ZDHHC14: variants seen among roughly 807,000 people sequenced by gnomAD.
ZDHHC14 encodes zDHHC palmitoyltransferase 14, also known as palmitoyltransferase ZDHHC14.
ZDHHC14 carries 16 observed loss-of-function variants against 47.7 expected under a neutral mutation model. The ratio of observed to expected loss-of-function variants is 0.34; its 90% CI spans 0.23 to 0.51. The LOEUF is 0.51. Among genes scored for constraint, ZDHHC14 ranks in the 20% least tolerant of loss-of-function variants. The probability of loss-of-function intolerance (pLI) is 0.97; values close to 1 mark genes in which losing one functional copy is unlikely to be tolerated. For synonymous variants in ZDHHC14, 293 were observed against 278.9 expected (o/e 1.05, Z -0.50); for missense variants, 515 against 662.5 (o/e 0.78, Z 2.44).
intron 1 of ZDHHC14, among the ~76,000 whole-genome samples, chr6:157,448,453 A>T (rs1287250083): frequency 1.3e-5 from 2 of 152,212 alleles, no homozygotes; most frequent in Non-Finnish European, 2.9e-5. Context: ...AGTTCATCTC[A>T]ACAATTAATA....
intron 2 of ZDHHC14, among the ~76,000 whole-genome samples, chr6:157,568,055 G>C (rs975588761): frequency 1.1e-4 from 16 of 152,132 alleles, no homozygotes; most frequent in Admixed American, 8.5e-4. Flanking sequence ...CCAGCCTTTA[G>C]GGGAAATAGA....
chr6:157,592,628 C>T (rs1783953740), intron 2 of ZDHHC14: 3 of 514,484 alleles, frequency 5.8e-6, no homozygotes, highest in Non-Finnish European at 7.9e-6. Context: ...TGCAGTCAGG[C>T]GACTCCCCAG....
At chr6:157,476,113 T>A (rs1779476151) in intron 1 of ZDHHC14, among the ~76,000 whole-genome samples, 1 of 151,984 alleles carries the variant, frequency 6.6e-6, no homozygotes, top group Non-Finnish European at 1.5e-5. Context: ...ATCACAGCAA[T>A]ATGAAATAAA....
intron 3 of ZDHHC14, among the ~76,000 whole-genome samples, chr6:157,610,115 T>C (rs1784695667): frequency 6.6e-6 from 1 of 152,206 alleles, no homozygotes; most frequent in African/African-American, 2.4e-5. Context: ...CACAGACAGC[T>C]GAACTGGGCA....
intron 5 of ZDHHC14, among the ~76,000 whole-genome samples, chr6:157,633,422 T>C (rs1776804308): frequency 6.6e-6 from 1 of 151,146 alleles, no homozygotes; most frequent in Non-Finnish European, 1.5e-5. Context: ...ATGAGGAGGA[T>C]TCCCATCCTC....
intron 1 of ZDHHC14, among the ~76,000 whole-genome samples, chr6:157,450,356 A>G (rs981527560): frequency 5.9e-5 from 9 of 152,072 alleles, no homozygotes; most frequent in African/African-American, 2.2e-4. Flanking sequence ...AGCATTAATA[A>G]AGAAACAATT....
At chr6:157,453,788 T>TTGTGTGTGTGTGTG (rs371025248) in intron 1 of ZDHHC14, among the ~76,000 whole-genome samples, 3,661 of 148,164 alleles carry the variant, frequency 0.025, 75 homozygotes, top group Non-Finnish European at 0.034. Flanking sequence ...TTTTTGTGTT[T>TTGTGTGTGTGTGTG]TGTGTGTGTG....
chr6:157,604,591 A>C lies in ZDHHC14; in HGVS notation c.565+11445A>C, dbSNP rs1015930701. ...GAGACGGATTCTTGCTCTGTTGCCC[A>C]GGCTGGAGTGCAGTGGCACGATCTC... On this transcript the variant is annotated intron_variant, in intron 3 of 8. Transcript: ENST00000359775. 1.7e-4 allele frequency among the ~76,000 whole-genome samples: 25 copies of C among 148,152 alleles called. 1 individual carries two copies. In the South Asian group the frequency reaches 4.4e-3, roughly 26 times the overall value.
chr6:157,542,394 G>T (rs1781799833), intron 1 of ZDHHC14, among the ~76,000 whole-genome samples, 191 bp from the exon 2 acceptor site: 1 of 152,182 alleles, frequency 6.6e-6, no homozygotes, highest in Non-Finnish European at 1.5e-5. Context: ...GGGTTCAATT[G>T]TCTGTAAGAC....
chr6:157,531,940 G>A (rs540092421), intron 1 of ZDHHC14, among the ~76,000 whole-genome samples: 25 of 152,374 alleles, frequency 1.6e-4, no homozygotes, highest in East Asian at 5.8e-4. Flanking sequence ...CTCGTTCTGC[G>A]GGATGGGCGT....
At chr6:157,523,284 A>G (rs1392012937) in intron 1 of ZDHHC14, among the ~76,000 whole-genome samples, 7 of 152,052 alleles carry the variant, frequency 4.6e-5, no homozygotes, top group South Asian at 4.2e-4. Flanking sequence ...GTTTTATGAT[A>G]TATTGAATAC....
chr6:157,612,388 G>T (rs1027160313), intron 3 of ZDHHC14, among the ~76,000 whole-genome samples: 14 of 152,132 alleles, frequency 9.2e-5, no homozygotes, highest in African/African-American at 2.9e-4. Context: ...CCTTAACCTA[G>T]TATACAAGAC....
intron 1 of ZDHHC14, among the ~76,000 whole-genome samples, chr6:157,419,370 A>AT (rs949551033): frequency 5.3e-5 from 8 of 152,210 alleles, no homozygotes; most frequent in Non-Finnish European, 1.2e-4. Flanking sequence ...CAGAAAGGCT[A>AT]TTTTGTATGA....
At chr6:157,667,810 C>T (rs921798201) in intron 8 of ZDHHC14, among the ~76,000 whole-genome samples, 11 of 152,148 alleles carry the variant, frequency 7.2e-5, no homozygotes, top group Non-Finnish European at 1.3e-4. Flanking sequence ...TCAGGTATCC[C>T]TGAGTCATTT....
At chr6:157,580,951 G>C (rs573892804) in intron 2 of ZDHHC14, among the ~76,000 whole-genome samples, 8 of 151,650 alleles carry the variant, frequency 5.3e-5, no homozygotes, top group Non-Finnish European at 8.8e-5. Flanking sequence ...GGTTATTTCT[G>C]TCATCTAGTA....
At chr6:157,447,117 C>CA (rs1343673650) in intron 1 of ZDHHC14, among the ~76,000 whole-genome samples, 84 of 143,202 alleles carry the variant, frequency 5.9e-4, no homozygotes, top group Non-Finnish European at 3.4e-4. Flanking sequence ...GATTCCATAT[C>CA]AAAAAAGAAA....
chr6:157,515,152 C>G (rs1444071561), intron 1 of ZDHHC14, among the ~76,000 whole-genome samples: 1 of 152,144 alleles, frequency 6.6e-6, no homozygotes, highest in East Asian at 1.9e-4. Flanking sequence ...AGAGATGACC[C>G]TGAATGACAC....
chr6:157,649,216 G>C (rs1469276435), intron 7 of ZDHHC14, among the ~76,000 whole-genome samples: 1 of 152,226 alleles, frequency 6.6e-6, no homozygotes, highest in East Asian at 1.9e-4. Flanking sequence ...TATTTGAACA[G>C]ACGGCGATTC....
At chr6:157,566,182 A>G (rs1442801494) in intron 2 of ZDHHC14, among the ~76,000 whole-genome samples, 2 of 152,192 alleles carry the variant, frequency 1.3e-5, no homozygotes, top group Non-Finnish European at 2.9e-5. Flanking sequence ...TTGAGAGAAG[A>G]AAAGCTCTAT....
Sources: allele counts gnomAD v4.1 joint callset (sites outside exome capture counted in the v4.1 genomes callset), GRCh38; gene constraint gnomAD v4.1.1; transcripts MANE v1.5; gene names NCBI Gene and HGNC (gene_info 2026-07-23, HGNC 2026-07-21).